EYA3: variants seen among roughly 807,000 people sequenced by gnomAD.
The protein encoded by EYA3 is EYA transcriptional coactivator and phosphatase 3.
Under a neutral mutation model 80.0 loss-of-function variants are expected in EYA3, and 39 were observed. The observed-to-expected ratio is 0.49, with a 90% CI of 0.38 to 0.64. EYA3 has a LOEUF of 0.64. Ranked by LOEUF, EYA3 falls within the 30% of genes least tolerant of loss-of-function variation. EYA3 has a pLI of 0.00. For synonymous variants in EYA3, 206 were observed against 232.8 expected, an observed-to-expected ratio of 0.88 and a Z score of 1.05; for missense variants, 523 against 676.1, an observed-to-expected ratio of 0.77 and a Z score of 2.51.
At chr1:28,005,337 T>C (rs1030349336) in intron 10 of EYA3, among the ~76,000 whole-genome samples, 1 of 152,186 alleles carries the variant, frequency 6.6e-6, no homozygotes, top group African/African-American at 2.4e-5. Context: ...ACTAATGCAA[T>C]GAGGCATTAT....
chr1:28,016,532 T>TA lies in EYA3; in HGVS notation c.585+621dup, dbSNP rs11318124. Among the ~76,000 whole-genome samples the TA allele has an allele frequency of 4.5e-3, 512 of 113,872 alleles. 2 individuals are homozygous for TA. Among genetic ancestry groups the TA allele is most frequent in the African/African-American group, 0.013 (372 of 29,060 alleles). 74.7% of individuals were successfully genotyped at this position (113,872 alleles called of 152,430 possible). ...CGACAGAGTGAGTGAGACTCCATCT[T>TA]AAAAAAAAAAAAAAAAAAAGCAAAA... On this transcript the variant is annotated intron_variant, in intron 8 of 17. Transcript: ENST00000373871.
chr1:28,069,382 T>A (rs553863646), intron 1 of EYA3, among the ~76,000 whole-genome samples: 1 of 151,914 alleles, frequency 6.6e-6, no homozygotes, highest in South Asian at 2.1e-4. Context: ...CTGCTGGGAT[T>A]ACAGTCATGA....
At chr1:28,050,179 TTA>T (rs1330096070) in intron 2 of EYA3, among the ~76,000 whole-genome samples, 30 of 115,590 alleles carry the variant, frequency 2.6e-4, no homozygotes, top group East Asian at 2.1e-3. Flanking sequence ...TTTTTATTTA[TTA>T]TTATTATTAT....
chr1:28,035,778 AC>A, intron 5 of EYA3, 98 bp from the exon 6 acceptor site: 1 of 1,128,404 alleles, frequency 8.9e-7, no homozygotes, highest in Non-Finnish European at 1.3e-6. Context: ...AGAATCTGCA[AC>A]AAGGAGACTA....
chr1:28,033,911 G>A (rs1457876072), intron 6 of EYA3, among the ~76,000 whole-genome samples: 2 of 150,966 alleles, frequency 1.3e-5, no homozygotes, highest in Admixed American at 1.3e-4. Context: ...CTGCCCAAAC[G>A]GGGCCGGGCG....
At chr1:27,998,341 G>A in intron 12 of EYA3, 1 of 985,064 alleles carries the variant, frequency 1.0e-6, no homozygotes, top group Non-Finnish European at 1.2e-6. Flanking sequence ...GTTCCTGAGT[G>A]AGGACTATGT....
At chr1:28,004,154 A>G (rs1384862672) in intron 11 of EYA3, among the ~76,000 whole-genome samples, 182 bp downstream of exon 11, 1 of 152,176 alleles carries the variant, frequency 6.6e-6, no homozygotes, top group African/African-American at 2.4e-5. Flanking sequence ...TTTACCATCA[A>G]TTCTGCCTGA....
chr1:28,022,677 A>T (rs1350671428), intron 7 of EYA3, among the ~76,000 whole-genome samples: 1 of 152,144 alleles, frequency 6.6e-6, no homozygotes, highest in Non-Finnish European at 1.5e-5. Context: ...CCTAAAATAA[A>T]TGTCACCTGA....
intron 16 of EYA3, among the ~76,000 whole-genome samples, chr1:27,986,606 A>G (rs1639674691): frequency 6.6e-6 from 1 of 152,036 alleles, no homozygotes; most frequent in Admixed American, 6.6e-5. Flanking sequence ...CATTGTGGCC[A>G]GGCTGGTCTT....
intron 2 of EYA3, among the ~76,000 whole-genome samples, chr1:28,052,426 T>C (rs1644284527): frequency 6.6e-6 from 1 of 152,196 alleles, no homozygotes; most frequent in East Asian, 1.9e-4. Context: ...ACCTCTACAT[T>C]TGTTGGGTCA....
chr1:28,039,452 T>C (rs1430362042), intron 4 of EYA3, among the ~76,000 whole-genome samples: 1 of 152,198 alleles, frequency 6.6e-6, no homozygotes, highest in South Asian at 2.1e-4. Context: ...TGTTTTGTAG[T>C]GAAGGCTTTA....
At chr1:28,073,792 T>G (rs1299067462) in intron 1 of EYA3, among the ~76,000 whole-genome samples, 2 of 152,194 alleles carry the variant, frequency 1.3e-5, no homozygotes, top group Non-Finnish European at 2.9e-5. Context: ...CTTACAGAAC[T>G]GTATGTTTAA....
chr1:27,993,720 C>T (rs1640231872), intron 13 of EYA3, among the ~76,000 whole-genome samples, 160 bp from the exon 14 acceptor site: 2 of 152,164 alleles, frequency 1.3e-5, no homozygotes, highest in Non-Finnish European at 2.9e-5. Context: ...TTCATTAGTT[C>T]TCTATCTCAC....
chr1:27,979,013 G>A (rs1354811994), intron 16 of EYA3, among the ~76,000 whole-genome samples: 1 of 152,154 alleles, frequency 6.6e-6, no homozygotes, highest in Non-Finnish European at 1.5e-5. Context: ...CACGTTGAGG[G>A]TGAAGTCCCT....
chr1:28,020,833 T>C (rs1411427552), intron 7 of EYA3, among the ~76,000 whole-genome samples: 1 of 152,194 alleles, frequency 6.6e-6, no homozygotes, highest in African/African-American at 2.4e-5. Context: ...CCTATTATTA[T>C]GTATCTAAAG....
intron 6 of EYA3, 139 bp from the exon 7 acceptor site, chr1:28,028,065 A>C: frequency 1.1e-6 from 1 of 887,100 alleles, no homozygotes. Flanking sequence ...AAAATTATTG[A>C]ATCTCCCACT....
At chr1:28,052,736 G>A (rs1221646724) in intron 2 of EYA3, among the ~76,000 whole-genome samples, 1 of 151,998 alleles carries the variant, frequency 6.6e-6, no homozygotes, top group African/African-American at 2.4e-5. Context: ...GAGGTCAGGA[G>A]TTCAAGACCA....
chr1:28,015,237 A>G (rs999865141), intron 8 of EYA3, among the ~76,000 whole-genome samples: 11 of 152,240 alleles, frequency 7.2e-5, no homozygotes, highest in African/African-American at 2.7e-4. Flanking sequence ...GAAAGTAAGA[A>G]CATGAATAGG....
intron 7 of EYA3, among the ~76,000 whole-genome samples, chr1:28,020,694 G>A (rs1642378805): frequency 9.6e-6 from 1 of 104,022 alleles, no homozygotes. Context: ...GTGTGTGTGT[G>A]TGTGTGTGTG....
Sources: gnomAD v4.1 joint callset for allele counts (sites outside exome capture counted in the v4.1 genomes callset) on GRCh38, gnomAD v4.1.1 for gene constraint, MANE v1.5 for transcripts, NCBI Gene and HGNC (gene_info 2026-07-23, HGNC 2026-07-21) for gene names.